The following OSBPL10 variants were observed in gnomAD, a reference collection of about 807,000 sequenced individuals.
OSBPL10 encodes the protein oxysterol binding protein like 10.
OSBPL10 carries 49 observed loss-of-function variants against 81.7 expected under a neutral mutation model. The ratio of observed to expected loss-of-function variants is 0.60; its 90% confidence interval spans 0.48 to 0.76. The LOEUF (loss-of-function observed/expected upper bound fraction) is 0.76, where lower values mean the gene tolerates loss of function less well. OSBPL10 is among the 30% of genes least tolerant of loss of function. The pLI is 0.00. For synonymous variants in OSBPL10, 419 were observed against 383.6 expected, an observed-to-expected ratio of 1.09 and a Z score of -1.08; for missense variants, 923 against 987.8, an observed-to-expected ratio of 0.93 and a Z score of 0.88.
At position 31,981,100 on chromosome 3, in the gene OSBPL10, G is replaced by A. The variant is rs1039147869; in HGVS notation, c.80C>T (p.Ala27Val). ...CAGAGAGCAGGAGGGCGAGGAGCCCGCCGAGGTAGCACGGCTGCTGCTGCG... is the reference window on the plus strand; with the variant it reads ...CAGAGAGCAGGAGGGCGAGGAGCCCACCGAGGTAGCACGGCTGCTGCTGCG... ...SSRSSSRATS[A>V]GSSPSCSLAG... The change falls in exon 1 of 12, where the codon GCG becomes GTG. Residue 27 changes from alanine to valine, a missense_variant. Coordinates refer to ENST00000396556, the MANE Select transcript of OSBPL10 (RefSeq NM_017784.5). The surrounding 1 kb of genome is among the most constrained non-coding windows in gnomAD (Gnocchi z 4.5). 1.3e-6 allele frequency: 2 copies of A among 1,492,756 alleles called. No individual in the cohort carries two copies. Among genetic ancestry groups the A allele is most frequent in the African/African-American group, 1.5e-5 (1 of 68,282 alleles). 92.5% of individuals were successfully genotyped at this position (1,492,756 alleles called of 1,614,324 possible).
intron 4 of OSBPL10, 74 bp from the exon 5 acceptor site, chr3:31,748,194 C>G: frequency 3.7e-6 from 5 of 1,351,714 alleles, no homozygotes; most frequent in Non-Finnish European, 5.1e-6. Context: ...GGCAGATAAA[C>G]CACAGAAGTG....
chr3:31,857,942 C>T (rs1193080898), intron 3 of OSBPL10, among the ~76,000 whole-genome samples: 2 of 150,456 alleles, frequency 1.3e-5, no homozygotes, highest in Non-Finnish European at 3.0e-5. Context: ...GTGTCTCTCC[C>T]GTTTTTGTTT....
Position 31,702,415 on chromosome 3 carries a change from G to A in OSBPL10, c.1189C>T (p.Arg397Cys), listed in dbSNP as rs144716667. The stretch of plus-strand genomic sequence containing the variant: ...GAAATGAGATGAAGAATTATACTAC[G>A]CTGATCCTCCATGACGCCCAATTCC... Reference protein sequence around the residue: ...ETELGVMEDQRSIILHLISQL... With the variant: ...ETELGVMEDQCSIILHLISQL... Residue 397 changes from arginine to cysteine, a missense_variant, in exon 7 of 12, where the codon CGT becomes TGT. Around this residue, in one of 3 missense-constraint regions of OSBPL10, gnomAD observed 514 missense variants for 508.0 expected, o/e 1.01. Transcript: ENST00000396556. 1.1e-5 allele frequency: 18 copies of A among 1,614,004 alleles called. No individual in the cohort carries two copies. The highest frequency in any genetic ancestry group is 4.4e-5 in the South Asian group (4 of 91,082).
At chr3:31,970,172 C>T (rs1029047009) in intron 1 of OSBPL10, among the ~76,000 whole-genome samples, 22 of 152,144 alleles carry the variant, frequency 1.4e-4, no homozygotes, top group African/African-American at 5.1e-4. Flanking sequence ...GCGATTCTAC[C>T]TGCATCAATT....
intron 1 of OSBPL10, among the ~76,000 whole-genome samples, chr3:31,894,696 A>G (rs2125665354): frequency 6.6e-6 from 1 of 152,346 alleles, no homozygotes; most frequent in Non-Finnish European, 1.5e-5. Flanking sequence ...TATTGGGTTG[A>G]AGCCAGGATC....
intron 6 of OSBPL10, among the ~76,000 whole-genome samples, chr3:31,720,995 A>C (rs1696626536): frequency 6.6e-6 from 1 of 151,864 alleles, no homozygotes; most frequent in Non-Finnish European, 1.5e-5. Flanking sequence ...TAATCAGCTG[A>C]TCTTAAAACA....
At chr3:31,788,187 C>A (rs1397491318) in intron 4 of OSBPL10, among the ~76,000 whole-genome samples, 1 of 151,922 alleles carries the variant, frequency 6.6e-6, no homozygotes, top group Non-Finnish European at 1.5e-5. Context: ...GCAATCTGAC[C>A]CTGGCAGGGT....
chr3:31,741,741 T>C (rs1697358004), intron 5 of OSBPL10, among the ~76,000 whole-genome samples: 1 of 152,244 alleles, frequency 6.6e-6, no homozygotes, highest in Non-Finnish European at 1.5e-5. Flanking sequence ...CCAAATCTCA[T>C]CTTGTACCTC....
At chr3:31,870,205 C>T (rs552616095) in intron 3 of OSBPL10, among the ~76,000 whole-genome samples, 8 of 152,336 alleles carry the variant, frequency 5.3e-5, no homozygotes, top group East Asian at 3.9e-4. Context: ...TGGAGGGCCC[C>T]GCACTCCGAG....
rs532527216 is a variant in OSBPL10 at position 31,858,837 on chromosome 3, G to A, written c.537+17596C>T. Among the ~76,000 whole-genome samples, 10 of 152,260 alleles carry A rather than the reference G, an allele frequency of 6.6e-5. No homozygotes were observed. In the South Asian group the frequency reaches 1.7e-3, roughly 25 times the overall value. ...TGGGCAGTCTATCAAAACTTTTAGG[G>A]GGAAAGTCATAACAATCAGGTTTTA... is the stretch of plus-strand genomic sequence containing the variant. On this transcript the variant is annotated intron_variant, in intron 3 of 11. Transcript: ENST00000396556.
chr3:31,840,842 A>G (rs937342016), intron 3 of OSBPL10, among the ~76,000 whole-genome samples: 11 of 152,272 alleles, frequency 7.2e-5, no homozygotes, highest in Admixed American at 2.0e-4. Context: ...TTGCCAAAGC[A>G]GAAATAAACT....
intron 4 of OSBPL10, among the ~76,000 whole-genome samples, chr3:31,761,402 G>A (rs1426732762): frequency 1.3e-5 from 2 of 151,364 alleles, no homozygotes; most frequent in African/African-American, 4.9e-5. Context: ...AACCTGGGAG[G>A]TGGAGGTTGC....
At chr3:32,069,596 A>G (rs901170099) in intron 1 of OSBPL10, among the ~76,000 whole-genome samples, 1 of 152,226 alleles carries the variant, frequency 6.6e-6, no homozygotes, top group Non-Finnish European at 1.5e-5. Flanking sequence ...CTTATTCTTA[A>G]CATGCATTTT....
At chr3:31,885,933 T>G (rs1450911021) in intron 1 of OSBPL10, among the ~76,000 whole-genome samples, 1 of 141,064 alleles carries the variant, frequency 7.1e-6, no homozygotes, top group African/African-American at 2.7e-5. Flanking sequence ...ATGCGGAGGT[T>G]GCAGTAAGCC....
chr3:31,911,874 A>C (rs945100116), intron 1 of OSBPL10, among the ~76,000 whole-genome samples: 2 of 152,166 alleles, frequency 1.3e-5, no homozygotes, highest in African/African-American at 4.8e-5. Flanking sequence ...CTTGCTTATG[A>C]ATAACAGTCT....
chr3:31,858,856 G>C (rs546948938), intron 3 of OSBPL10, among the ~76,000 whole-genome samples: 3 of 152,274 alleles, frequency 2.0e-5, no homozygotes, highest in Non-Finnish European at 4.4e-5. Context: ...ATAACAATCA[G>C]GTTTTAGAGA....
intron 9 of OSBPL10, among the ~76,000 whole-genome samples, chr3:31,669,241 TACTC>T (rs1700268456): frequency 6.6e-6 from 1 of 152,024 alleles, no homozygotes; most frequent in Non-Finnish European, 1.5e-5. Flanking sequence ...CTAAAGAACT[TACTC>T]ATGTAAGCAA....
chr3:31,802,230 A>G (rs1392179281), intron 4 of OSBPL10, among the ~76,000 whole-genome samples: 8 of 151,722 alleles, frequency 5.3e-5, no homozygotes, highest in Non-Finnish European at 1.0e-4. Context: ...GCAGGGTTGA[A>G]GGTATGGAAA....
chr3:31,691,917 C>T (rs968923941), intron 7 of OSBPL10, among the ~76,000 whole-genome samples: 4 of 152,142 alleles, frequency 2.6e-5, no homozygotes, highest in African/African-American at 9.6e-5. Flanking sequence ...CAAAATAAAG[C>T]GCAGACAATT....
Sources: allele counts gnomAD v4.1 joint callset (sites outside exome capture counted in the v4.1 genomes callset), GRCh38; gene constraint gnomAD v4.1.1; regional missense constraint gnomAD v4.1.1; non-coding constraint Gnocchi (gnomAD v3.1); transcripts MANE v1.5; gene names NCBI Gene and HGNC (gene_info 2026-07-23, HGNC 2026-07-21).